The following GSPT2 variants were observed in gnomAD, a reference collection of about 807,000 sequenced individuals.
The protein encoded by GSPT2 is G1 to S phase transition 2.
Under a neutral mutation model 24.6 loss-of-function variants are expected in GSPT2, and 2 were observed. The ratio of observed to expected loss-of-function variants is 0.08; its 90% confidence interval spans 0.03 to 0.26. The LOEUF (loss-of-function observed/expected upper bound fraction) is 0.26. Ranked by LOEUF, GSPT2 falls within the 10% of genes least tolerant of loss-of-function variation. The pLI is 1.00. For synonymous variants in GSPT2, 194 were observed against 189.3 expected, an observed-to-expected ratio of 1.02 and a Z score of -0.20; for missense variants, 322 against 489.6, an observed-to-expected ratio of 0.66 and a Z score of 3.23.
Position 51,743,661 on chromosome X carries a change from C to T in GSPT2, c.35C>T (p.Pro12Leu), listed in dbSNP as rs782368579. Reference sequence around the variant, plus strand: ...GGCAGCAGCAGCAGCGACTCGGCGCCCGATTGCTGGGACCAGGTGGACATG... The same window carrying T: ...GGCAGCAGCAGCAGCGACTCGGCGCTCGATTGCTGGGACCAGGTGGACATG... The part of the protein sequence containing the change: ...DSGSSSSDSA[P>L]DCWDQVDMES... The change falls in exon 1 of 1, where the codon CCC (proline) becomes CTC (leucine). Residue 12 changes from proline to leucine, a missense_variant. Coordinates refer to ENST00000340438, the MANE Select transcript of GSPT2 (RefSeq NM_018094.5). 4 of 1,201,464 alleles carry T rather than the reference C, an allele frequency of 3.3e-6. No individual in the cohort carries two copies. The South Asian group carries it at 5.4e-5, about 16-fold the overall frequency.
chrX:51,745,471 T>C lies in GSPT2; in HGVS notation c.1845T>C (p.Ile615=). 8.3e-7 allele frequency: 1 copy of C among 1,205,192 alleles called. No individual in the cohort carries two copies. Residue 615 remains isoleucine, a synonymous_variant, in exon 1 of 1, where the codon ATT becomes ATC. Transcript: ENST00000340438. ...CTTTAAGAGATGAGGGTAAGACCAT[T>C]GCAATTGGAAAAGTTCTGAAATTGG... is the stretch of plus-strand genomic sequence containing the variant. ...RFTLRDEGKT[I]AIGKVLKLVP...
chrX:51,746,065 C>T lies in GSPT2; in HGVS notation c.*552C>T, dbSNP rs1204758103. ...AAACTTAAAAACTCTTCACCACTTA[C>T]TGTTTTAAGTGAGGAATTTACAAAC... is the stretch of plus-strand genomic sequence containing the variant. On this transcript the variant is annotated 3_prime_UTR_variant, in exon 1 of 1. Transcript: ENST00000340438. The T allele has an allele frequency of 8.0e-6, 1 of 124,350 alleles. No homozygotes were observed. The highest frequency in any genetic ancestry group is 3.2e-5 in the African/African-American group (1 of 30,977). 10.2% of individuals were successfully genotyped at this position (124,350 alleles called of 1,213,427 possible).
rs781832480 is a variant in GSPT2 at position 51,745,027 on chromosome X, G to A, written c.1401G>A (p.Lys467=). Residue 467 remains lysine, a synonymous_variant, in exon 1 of 1, where the codon AAG becomes AAA. Coordinates refer to ENST00000340438, the MANE Select transcript of GSPT2 (RefSeq NM_018094.5). ...AGCAGCTCGTGATGATGCCAAACAA[G>A]CACAATGTAGAAGTTCTTGGAATAC... ...KGQQLVMMPN[K]HNVEVLGILS... The A allele has an allele frequency of 3.3e-6, 4 of 1,205,236 alleles. No homozygotes were observed. In the Admixed American group the frequency reaches 8.7e-5, roughly 26 times the overall value.
chrX:51,744,859 A>G lies in GSPT2; in HGVS notation c.1233A>G (p.Leu411=), dbSNP rs929569177. ...ATTTCTGCCCTTGGTACACTGGATT[A>G]CCATTTATTCCGTATTTGGATAACT... ...QSDFCPWYTG[L]PFIPYLDNLP... The change falls in exon 1 of 1, where the codon TTA becomes TTG. Residue 411 remains leucine, a synonymous_variant. Transcript: ENST00000340438. The G allele has an allele frequency of 9.1e-6, 11 of 1,208,137 alleles. No individual in the cohort carries two copies. The highest frequency in any genetic ancestry group is 1.2e-5 in the Non-Finnish European group (11 of 893,599).
Position 51,744,900 on chromosome X carries a change from G to T in GSPT2, c.1274G>T (p.Arg425Ile), listed in dbSNP as rs140733143. 1 of 1,205,534 alleles carries T rather than the reference G, an allele frequency of 8.3e-7. No homozygotes were observed. The highest frequency in any genetic ancestry group is 1.1e-6 in the Non-Finnish European group (1 of 890,054). ...PYLDNLPNFN[R>I]SIDGPIRLPI... Reference sequence around the variant, plus strand: ...TTGGATAACTTGCCAAACTTCAACAGATCAATTGATGGACCAATAAGACTG... The same window carrying T: ...TTGGATAACTTGCCAAACTTCAACATATCAATTGATGGACCAATAAGACTG... The change falls in exon 1 of 1, where the codon AGA becomes ATA. Residue 425 changes from arginine (R) to isoleucine (I), a missense_variant. Physicochemically the swap from Arg to Ile is moderately conservative, Grantham distance 97. Coordinates refer to ENST00000340438, the MANE Select transcript of GSPT2 (RefSeq NM_018094.5).
Position 51,743,781 on chromosome X carries a change from T to C in GSPT2, c.155T>C (p.Leu52Pro), listed in dbSNP as rs782293295. 2 of 1,211,306 alleles carry C rather than the reference T, an allele frequency of 1.7e-6. No individual in the cohort carries two copies. Among genetic ancestry groups the C allele is most frequent in the Non-Finnish European group, 2.2e-6 (2 of 895,264 alleles). ...EPLSSAFSRK[L>P]NVNAKPFVPN... ...CTCAGCTCGGCTTTCAGCCGTAAGC[T>C]CAACGTCAACGCCAAGCCCTTCGTG... The change falls in exon 1 of 1, where the codon CTC becomes CCC. Residue 52 changes from leucine to proline, a missense_variant. By Grantham distance (98) the Leu-to-Pro change is moderately conservative. This residue lies in a region of GSPT2 where 125 missense variants were observed against 121.3 expected (regional missense o/e 1.03). Transcript: ENST00000340438.
In GSPT2 at chrX:51,743,751, A is replaced by C; in HGVS notation, c.125A>C (p.Glu42Ala). The C allele has an allele frequency of 8.3e-7, 1 of 1,211,177 alleles. No homozygotes were observed. The highest frequency in any genetic ancestry group is 1.1e-6 in the Non-Finnish European group (1 of 895,204). The change falls in exon 1 of 1, where the codon GAG becomes GCG. Residue 42 changes from glutamate (E) to alanine (A), a missense_variant. Around this residue, in one of 4 missense-constraint regions of GSPT2, gnomAD observed 125 missense variants for 121.3 expected, o/e 1.03. Coordinates refer to ENST00000340438, the MANE Select transcript of GSPT2 (RefSeq NM_018094.5). The stretch of plus-strand genomic sequence containing the variant: ...TCTGCGGTGGCCGAGGCCCAGCGCG[A>C]GCCCCTCAGCTCGGCTTTCAGCCGT... ...VSSAVAEAQR[E>A]PLSSAFSRKL...
In GSPT2 at chrX:51,745,328, A is replaced by G; in HGVS notation, c.1702A>G (p.Lys568Glu). The G allele has an allele frequency of 8.3e-7, 1 of 1,211,160 alleles. No homozygotes were observed. The highest frequency in any genetic ancestry group is 1.1e-6 in the Non-Finnish European group (1 of 894,984). ...ISLVDKKSGEKSKTRPRFVKQ... is the reference protein window; with the variant it reads ...ISLVDKKSGEESKTRPRFVKQ... Reference sequence around the variant, plus strand: ...CTTGGTAGACAAAAAATCAGGAGAAAAAAGTAAGACACGACCCCGCTTCGT... The same window carrying G: ...CTTGGTAGACAAAAAATCAGGAGAAGAAAGTAAGACACGACCCCGCTTCGT... The change falls in exon 1 of 1, where the codon AAA becomes GAA. Residue 568 changes from lysine (K) to glutamate (E), a missense_variant. By Grantham distance (56) the Lys-to-Glu change is moderately conservative (BLOSUM62 1). Coordinates refer to ENST00000340438, the MANE Select transcript of GSPT2 (RefSeq NM_018094.5).
rs1557348879 is a variant in GSPT2 at position 51,744,289 on chromosome X, A to G, written c.663A>G (p.Gly221=). ...HVDAGKSTIG[G]QIMFLTGMVD... ...ACGCTGGCAAGTCAACCATCGGAGG[A>G]CAGATAATGTTTTTGACTGGAATGG... Residue 221 remains glycine, a synonymous_variant, in exon 1 of 1, where the codon GGA becomes GGG. Coordinates refer to ENST00000340438, the MANE Select transcript of GSPT2 (RefSeq NM_018094.5). The G allele has an allele frequency of 8.3e-7, 1 of 1,208,902 alleles. No individual in the cohort carries two copies. Among genetic ancestry groups the G allele is most frequent in the South Asian group, 1.8e-5 (1 of 56,709 alleles).
In GSPT2 at chrX:51,745,144, A is replaced by G. The variant is rs782655974; in HGVS notation, c.1518A>G (p.Gly506=). ...KGIEEEEILP[G]FILCDPSNLC... is the part of the protein sequence containing the mutation. The stretch of plus-strand genomic sequence containing the variant: ...TTGAAGAAGAAGAGATTCTTCCAGG[A>G]TTCATACTTTGTGATCCTAGTAACC... The change falls in exon 1 of 1, where the codon GGA becomes GGG. Residue 506 remains glycine (G), a synonymous_variant. Transcript: ENST00000340438. The G allele has an allele frequency of 1.7e-6, 2 of 1,207,413 alleles. No individual in the cohort carries two copies. The highest frequency in any genetic ancestry group is 4.3e-5 in the Admixed American group (2 of 46,057).
rs781905349 is a variant in GSPT2 at position 51,745,559 on chromosome X, A to T, written c.*46A>T. The T allele has an allele frequency of 2.4e-6, 2 of 844,194 alleles. No homozygotes were observed. The highest frequency in any genetic ancestry group is 3.5e-6 in the Non-Finnish European group (2 of 579,279). The allele number at this position is 844,194 out of a possible 1,213,427, so 69.6% of individuals were successfully genotyped here. On this transcript the variant is annotated 3_prime_UTR_variant, in exon 1 of 1. Coordinates refer to ENST00000340438, the MANE Select transcript of GSPT2 (RefSeq NM_018094.5). ...GCAAGATACTGTGAGGAGAATTGAC[A>T]GCAAAAGTTCACCACCTACTCTTAT... is the stretch of plus-strand genomic sequence containing the variant.
chrX:51,745,174 C>T lies in GSPT2; in HGVS notation c.1548C>T (p.Cys516=). The part of the protein sequence containing the change: ...GFILCDPSNL[C]HSGRTFDVQI... Reference sequence around the variant, plus strand: ...TACTTTGTGATCCTAGTAACCTCTGCCATTCTGGACGCACGTTTGATGTTC... The same window carrying T: ...TACTTTGTGATCCTAGTAACCTCTGTCATTCTGGACGCACGTTTGATGTTC... The change falls in exon 1 of 1, where the codon TGC becomes TGT. Residue 516 remains cysteine, a synonymous_variant. Transcript: ENST00000340438. 8.3e-7 allele frequency: 1 copy of T among 1,204,160 alleles called. No individual in the cohort carries two copies. Among genetic ancestry groups the T allele is most frequent in the South Asian group, 1.8e-5 (1 of 56,790 alleles).
At position 51,743,612 on chromosome X, in the gene GSPT2, G is replaced by C. The variant is rs1266949003; in HGVS notation, c.-15G>C. The C allele has an allele frequency of 8.5e-7, 1 of 1,175,087 alleles. No individual in the cohort carries two copies. The highest frequency in any genetic ancestry group is 1.1e-6 in the Non-Finnish European group (1 of 875,739). On this transcript the variant is annotated 5_prime_UTR_variant, in exon 1 of 1. Transcript: ENST00000340438. Reference sequence around the variant, plus strand: ...GAGCCCGCTCCCTCACTGCCACACAGCAAGTTCCGAGACCATGGATTCGGG... The same window carrying C: ...GAGCCCGCTCCCTCACTGCCACACACCAAGTTCCGAGACCATGGATTCGGG...
Position 51,744,004 on chromosome X carries a change from A to G in GSPT2, c.378A>G (p.Ser126=). 2.5e-6 allele frequency: 3 copies of G among 1,209,866 alleles called. No individual in the cohort carries two copies. The highest frequency in any genetic ancestry group is 3.4e-6 in the Non-Finnish European group (3 of 894,608). Residue 126 remains serine, a synonymous_variant, in exon 1 of 1, where the codon TCA becomes TCG. Coordinates refer to ENST00000340438, the MANE Select transcript of GSPT2 (RefSeq NM_018094.5). ...EPLVSLEGSN[S]AVTMELSEPV... ...TAGTGTCGCTTGAAGGTTCCAATTCAGCCGTTACCATGGAACTTTCAGAAC... is the reference window on the plus strand; with the variant it reads ...TAGTGTCGCTTGAAGGTTCCAATTCGGCCGTTACCATGGAACTTTCAGAAC...
In GSPT2 at chrX:51,744,413, C is replaced by G; in HGVS notation, c.787C>G (p.Arg263Gly). 8.3e-7 allele frequency: 1 copy of G among 1,211,101 alleles called. No individual in the cohort carries two copies. The highest frequency in any genetic ancestry group is 1.1e-6 in the Non-Finnish European group (1 of 895,113). Residue 263 changes from arginine (R) to glycine (G), a missense_variant, in exon 1 of 1, where the codon CGA becomes GGA. Around this residue, in one of 4 missense-constraint regions of GSPT2, gnomAD observed 72 missense variants for 121.5 expected, o/e 0.59. Coordinates refer to ENST00000340438, the MANE Select transcript of GSPT2 (RefSeq NM_018094.5). ...GGCCTTAGATACAAATCAGGAGGAACGAGACAAGGGTAAAACAGTCGAAGT... is the reference window on the plus strand; with the variant it reads ...GGCCTTAGATACAAATCAGGAGGAAGGAGACAAGGGTAAAACAGTCGAAGT... The part of the protein sequence containing the change: ...SWALDTNQEE[R>G]DKGKTVEVGR...
rs1557348807 is a variant in GSPT2, at chrX:51,743,851, C to G, written c.225C>G (p.Gly75=). 7 of 1,205,919 alleles carry G rather than the reference C, an allele frequency of 5.8e-6. No homozygotes were observed. The highest frequency in any genetic ancestry group is 1.7e-5 in the African/African-American group (1 of 57,278). The part of the protein sequence containing the change: ...AAEFVPSFLR[G]PTQPPTLPAG... The stretch of plus-strand genomic sequence containing the variant: ...AGTTCGTGCCGTCCTTCCTGCGGGG[C>G]CCGACTCAGCCGCCCACCCTCCCGG... The change falls in exon 1 of 1, where the codon GGC becomes GGG. Residue 75 remains glycine (G), a synonymous_variant. Transcript: ENST00000340438.
In GSPT2 at chrX:51,743,684, A is replaced by G. The variant is rs1557348768; in HGVS notation, c.58A>G (p.Met20Val). 3.3e-6 allele frequency: 4 copies of G among 1,207,822 alleles called. No individual in the cohort carries two copies. The highest frequency in any genetic ancestry group is 1.8e-5 in the South Asian group (1 of 56,401). Residue 20 changes from methionine (M) to valine (V), a missense_variant, in exon 1 of 1, where the codon ATG (methionine) becomes GTG (valine). By Grantham distance (21) the Met-to-Val change is conservative (BLOSUM62 1). This residue lies in a region of GSPT2 where 125 missense variants were observed against 121.3 expected (regional missense o/e 1.03). Transcript: ENST00000340438. ...GCCCGATTGCTGGGACCAGGTGGAC[A>G]TGGAATCCCCGGGGTCGGCCCCGAG... is the stretch of plus-strand genomic sequence containing the variant. ...SAPDCWDQVD[M>V]ESPGSAPSGD...
Position 51,745,523 on chromosome X carries a change from T to C in GSPT2, c.*10T>C, listed in dbSNP as rs782557619. 11 of 1,087,390 alleles carry C rather than the reference T, an allele frequency of 1.0e-5. No individual in the cohort carries two copies. The highest frequency in any genetic ancestry group is 1.3e-5 in the Non-Finnish European group (10 of 786,589). The allele number at this position is 1,087,390 out of a possible 1,213,427, so 89.6% of individuals were successfully genotyped here. On this transcript the variant is annotated 3_prime_UTR_variant, in exon 1 of 1. Transcript: ENST00000340438. ...CCCAGAGAAGGACTAAGCAATTTTC[T>C]TGATGCCTCTGCAAGATACTGTGAG...
At position 51,744,139 on chromosome X, in the gene GSPT2, C is replaced by T; in HGVS notation, c.513C>T (p.Pro171=). Reference sequence around the variant, plus strand: ...GTGGTTCCTCGGGAGATTCAGGGCCCCCAGAAGAAAGTGGCCAGGAAATGA... The same window carrying T: ...GTGGTTCCTCGGGAGATTCAGGGCCTCCAGAAGAAAGTGGCCAGGAAATGA... ...PGGGSSGDSG[P]PEESGQEMME... The change falls in exon 1 of 1, where the codon CCC becomes CCT. Residue 171 remains proline, a synonymous_variant. Coordinates refer to ENST00000340438, the MANE Select transcript of GSPT2 (RefSeq NM_018094.5). 8.3e-7 allele frequency: 1 copy of T among 1,209,114 alleles called. No homozygotes were observed. Among genetic ancestry groups the T allele is most frequent in the Non-Finnish European group, 1.1e-6 (1 of 894,316 alleles).
Sources: gnomAD v4.1 joint callset for allele counts on GRCh38, gnomAD v4.1.1 for gene constraint, gnomAD v4.1.1 regional missense constraint, MANE v1.5 for transcripts, NCBI Gene and HGNC (gene_info 2026-07-23, HGNC 2026-07-21) for gene names.